DOCK9: variants seen among roughly 807,000 people sequenced by gnomAD.
DOCK9 encodes the protein dedicator of cytokinesis protein 9.
A neutral mutation model predicts 263.3 loss-of-function variants in DOCK9; 89 were observed. The observed-to-expected ratio is 0.34, with a 90% confidence interval of 0.28 to 0.40. The LOEUF is 0.40. Ranked by LOEUF, DOCK9 falls within the 10% of genes least tolerant of loss-of-function variation. DOCK9 has a pLI of 1.00. For missense variants in DOCK9, 2,140 were observed against 2,603.4 expected (o/e 0.82, Z 3.87); for synonymous variants, 976 against 973.1 (o/e 1.00, Z -0.06).
At position 98,922,141 on chromosome 13, in the gene DOCK9, A is replaced by G; in HGVS notation, c.492T>C (p.Ala164=). Residue 164 remains alanine (A), a synonymous_variant, in exon 6 of 53, where the codon GCT becomes GCC. Transcript: ENST00000682017. ...CACCCTTCTGGGAACCAAGGGAGGC[A>G]GCATCCTAGGAGAGAAGGAAAACAC... ...VDEEVDKDED[A]ASLGSQKGGI... is the part of the protein sequence containing the mutation. 2 of 1,592,160 alleles carry G rather than the reference A, an allele frequency of 1.3e-6. No homozygotes were observed. The highest frequency in any genetic ancestry group is 1.7e-6 in the Non-Finnish European group (2 of 1,169,280).
At chr13:98,877,000 G>A (rs954088587) in intron 27 of DOCK9, among the ~76,000 whole-genome samples, 2 of 152,216 alleles carry the variant, frequency 1.3e-5, no homozygotes, top group African/African-American at 2.4e-5. Context: ...TTGTTTTAGG[G>A]TCAAAATATA....
At chr13:98,953,925 A>G (rs1303029458) in intron 2 of DOCK9, among the ~76,000 whole-genome samples, 2 of 152,162 alleles carry the variant, frequency 1.3e-5, no homozygotes, top group Non-Finnish European at 2.9e-5. Context: ...AAGAATAATC[A>G]TTTTGGGGCC....
chr13:99,083,280 G>T (rs1019072899), intron 1 of DOCK9, among the ~76,000 whole-genome samples: 1 of 151,986 alleles, frequency 6.6e-6, no homozygotes, highest in Non-Finnish European at 1.5e-5. Flanking sequence ...GAATTCTAAG[G>T]CTCATGAAAG....
At chr13:98,992,147 A>G (rs531277833) in intron 1 of DOCK9, among the ~76,000 whole-genome samples, 2 of 151,664 alleles carry the variant, frequency 1.3e-5, no homozygotes, top group Non-Finnish European at 2.9e-5. Context: ...ATGCCCCAAC[A>G]GGAGGGATGG....
At chr13:98,995,810 T>C (rs1265398643) in intron 1 of DOCK9, among the ~76,000 whole-genome samples, 3 of 152,028 alleles carry the variant, frequency 2.0e-5, no homozygotes, top group Non-Finnish European at 4.4e-5. Context: ...TAAACATGGC[T>C]AGAAGGAGGA....
chr13:99,066,511 GTTAC>G (rs1267052749), intron 1 of DOCK9, among the ~76,000 whole-genome samples: 1 of 152,092 alleles, frequency 6.6e-6, no homozygotes, highest in Admixed American at 6.5e-5. Flanking sequence ...AGCATACTAT[GTTAC>G]TTAATATAAA....
At chr13:99,087,513 C>T (rs1211102608), upstream of DOCK9, among the ~76,000 whole-genome samples, 1 of 152,160 alleles carries the variant, frequency 6.6e-6, no homozygotes, top group Non-Finnish European at 1.5e-5. Flanking sequence ...TGCGAGCCCA[C>T]CGTGACGCAG....
At chr13:99,067,940 T>G (rs1411471654) in intron 1 of DOCK9, among the ~76,000 whole-genome samples, 6 of 151,620 alleles carry the variant, frequency 4.0e-5, no homozygotes, top group Non-Finnish European at 7.4e-5. Context: ...CCCCAAATTC[T>G]GGGAGCTATT....
chr13:98,882,373 G>GGGCC (rs1305426442), intron 23 of DOCK9, among the ~76,000 whole-genome samples: 10 of 152,216 alleles, frequency 6.6e-5, no homozygotes, highest in African/African-American at 2.4e-4. Context: ...ATGGAGGGAG[G>GGGCC]GGCCGCAAGC....
intron 1 of DOCK9, among the ~76,000 whole-genome samples, chr13:99,072,140 CA>C (rs1214709355): frequency 2.6e-5 from 4 of 152,204 alleles, no homozygotes; most frequent in African/African-American, 9.7e-5. Context: ...CAGTTTTCTC[CA>C]GCAGAAATGT....
intron 1 of DOCK9, among the ~76,000 whole-genome samples, chr13:98,959,691 G>A (rs1308450952): frequency 6.6e-6 from 1 of 152,226 alleles, no homozygotes; most frequent in Non-Finnish European, 1.5e-5. Context: ...GGAAAAGGGA[G>A]CAGAAGGAGA....
At chr13:99,011,953 C>G (rs1298351431) in intron 1 of DOCK9, among the ~76,000 whole-genome samples, 1 of 152,168 alleles carries the variant, frequency 6.6e-6, no homozygotes, top group Non-Finnish European at 1.5e-5. Context: ...TCCCAAGTAG[C>G]TGGGGCTACT....
intron 3 of DOCK9, among the ~76,000 whole-genome samples, chr13:98,928,157 C>T (rs1377972691): frequency 6.6e-6 from 1 of 152,190 alleles, no homozygotes; most frequent in Non-Finnish European, 1.5e-5. Context: ...AACCCCCACC[C>T]CTCTGGGGAT....
At position 98,923,311 on chromosome 13, in the gene DOCK9, G is replaced by C; in HGVS notation, c.477C>G (p.Asp159Glu). Residue 159 changes from aspartate to glutamate, a missense_variant, in exon 5 of 53, where the codon GAC (aspartate) becomes GAG (glutamate). Physicochemically the swap from Asp to Glu is conservative, Grantham distance 45 (BLOSUM62 2). Coordinates refer to ENST00000682017, the MANE Select transcript of DOCK9 (RefSeq NM_001366683.2). ...CAAGCAGGTATCCCACCTCATCTTT[G>C]TCGACCTCCTCGTCAACTTCATAGA... ...VHVYEVDEEV[D>E]KDEDAASLGS... The C allele has an allele frequency of 6.2e-7, 1 of 1,613,686 alleles. No homozygotes were observed. The highest frequency in any genetic ancestry group is 1.1e-5 in the South Asian group (1 of 91,076).
chr13:98,935,758 A>G (rs2054712049), intron 2 of DOCK9, among the ~76,000 whole-genome samples: 1 of 152,182 alleles, frequency 6.6e-6, no homozygotes, highest in African/African-American at 2.4e-5. Flanking sequence ...ACAGAATGAG[A>G]GCCTGTCTCA....
Position 98,897,539 on chromosome 13 carries a change from C to T in DOCK9, c.1658G>A (p.Ser553Asn), listed in dbSNP as rs781626378. Reference protein sequence around the residue: ...ARFSAIYRQDSNKLSNDDMLK... With the variant: ...ARFSAIYRQDNNKLSNDDMLK... ...CATGTCATCATTGGATAGCTTATTG[C>T]TGTCTTGCCTGTAGATGGCAGAAAA... Residue 553 changes from serine (S) to asparagine (N), a missense_variant, in exon 15 of 53, where the codon AGC becomes AAC. Coordinates refer to ENST00000682017, the MANE Select transcript of DOCK9 (RefSeq NM_001366683.2). 12 of 1,613,952 alleles carry T rather than the reference C, an allele frequency of 7.4e-6. No individual in the cohort carries two copies. Among genetic ancestry groups the T allele is most frequent in the African/African-American group, 1.3e-5 (1 of 75,066 alleles).
chr13:98,845,643 C>G (rs750457775), intron 38 of DOCK9, among the ~76,000 whole-genome samples: 2 of 152,196 alleles, frequency 1.3e-5, no homozygotes, highest in Non-Finnish European at 2.9e-5. Context: ...TTCTTGAGAA[C>G]GGCTGGCTAT....
At chr13:98,839,087 T>C (rs1594545026) in intron 38 of DOCK9, among the ~76,000 whole-genome samples, 2 of 152,200 alleles carry the variant, frequency 1.3e-5, no homozygotes, top group African/African-American at 4.8e-5. Flanking sequence ...TAAAATATGA[T>C]AGAAATGCTG....
intron 1 of DOCK9, among the ~76,000 whole-genome samples, chr13:98,970,458 G>T (rs2059627358): frequency 6.6e-6 from 1 of 152,234 alleles, no homozygotes; most frequent in African/African-American, 2.4e-5. Context: ...ATGCAATGCA[G>T]TCCTGGCTTA....
Sources: allele counts gnomAD v4.1 joint callset (sites outside exome capture counted in the v4.1 genomes callset), GRCh38; gene constraint gnomAD v4.1.1; transcripts MANE v1.5; gene names NCBI Gene and HGNC (gene_info 2026-07-23, HGNC 2026-07-21).